COG5: variants seen among roughly 807,000 people sequenced by gnomAD.
COG5 encodes the protein conserved oligomeric Golgi complex subunit 5.
A neutral mutation model predicts 110.4 loss-of-function variants in COG5; 86 were observed. The observed-to-expected ratio is 0.78, with a 90% confidence interval of 0.65 to 0.93. The LOEUF (loss-of-function observed/expected upper bound fraction) is 0.93. Ranked by LOEUF, COG5 falls within the 40% of genes least tolerant of loss-of-function variation. The pLI is 0.00. For synonymous variants in COG5, 360 were observed against 334.6 expected (o/e 1.08, Z -0.83); for missense variants, 1,077 against 987.0 (o/e 1.09, Z -1.22).
chr7:107,379,548 A>G (rs1814926313), intron 7 of COG5, among the ~76,000 whole-genome samples: 1 of 151,218 alleles, frequency 6.6e-6, no homozygotes, highest in Non-Finnish European at 1.5e-5. Flanking sequence ...AATGACACAC[A>G]CAGGCTCAAA....
intron 7 of COG5, among the ~76,000 whole-genome samples, chr7:107,410,415 T>A (rs1792194201): frequency 6.6e-6 from 1 of 152,116 alleles, no homozygotes; most frequent in African/African-American, 2.4e-5. Flanking sequence ...ACATTTATGC[T>A]GTAGATGAGT....
intron 14 of COG5, among the ~76,000 whole-genome samples, chr7:107,267,083 A>G (rs1803861746): frequency 6.6e-6 from 1 of 152,192 alleles, no homozygotes. Context: ...AGTAAGAAAC[A>G]AAATCATGTC....
intron 14 of COG5, among the ~76,000 whole-genome samples, chr7:107,275,081 T>C (rs1308894276): frequency 6.6e-6 from 1 of 152,076 alleles, no homozygotes; most frequent in Non-Finnish European, 1.5e-5. Flanking sequence ...GTATAGCCAG[T>C]GTGTCAGGCC....
intron 19 of COG5, among the ~76,000 whole-genome samples, chr7:107,218,450 T>C (rs1294475794): frequency 6.6e-6 from 1 of 152,140 alleles, no homozygotes; most frequent in Non-Finnish European, 1.5e-5. Context: ...TTTTAAACTA[T>C]ATTACAGAGC....
intron 10 of COG5, among the ~76,000 whole-genome samples, chr7:107,359,003 G>A (rs902592583): frequency 2.0e-5 from 3 of 152,112 alleles, no homozygotes; most frequent in Non-Finnish European, 4.4e-5. Context: ...TGGCAGGGGC[G>A]ACCTCTCTGG....
Position 107,563,869 on chromosome 7 carries a change from C to T in COG5, c.28G>A (p.Val10Ile), listed in dbSNP as rs1367486642. The change falls in exon 1 of 22, where the codon GTA (valine) becomes ATA (isoleucine). Residue 10 changes from valine to isoleucine, a missense_variant. Val to Ile is a conservative substitution (Grantham distance 29, BLOSUM62 3). Coordinates refer to ENST00000297135, the MANE Select transcript of COG5 (RefSeq NM_006348.5). ...GAGCCTCGAGCTCCGAGGCCAGCTA[C>T]AGCGACGCTGCCGCCGCCACCTTCC... The part of the protein sequence containing the change: MEGGGGSVA[V>I]AGLGARGSGA... The T allele has an allele frequency of 6.2e-7, 1 of 1,613,618 alleles. No individual in the cohort carries two copies. The highest frequency in any genetic ancestry group is 2.2e-5 in the East Asian group (1 of 44,874).
At chr7:107,467,994 G>T (rs546881403) in intron 6 of COG5, among the ~76,000 whole-genome samples, 4 of 152,210 alleles carry the variant, frequency 2.6e-5, no homozygotes, top group Middle Eastern at 3.4e-3. Flanking sequence ...GTCTCACAAA[G>T]AGTTAAACAA....
chr7:107,416,558 C>T (rs1035569071), intron 6 of COG5, among the ~76,000 whole-genome samples: 1 of 152,212 alleles, frequency 6.6e-6, no homozygotes, highest in East Asian at 1.9e-4. Context: ...AGTATTATAA[C>T]TTATATATGT....
chr7:107,231,003 T>C (rs550405380), intron 18 of COG5, among the ~76,000 whole-genome samples: 2 of 152,218 alleles, frequency 1.3e-5, no homozygotes, highest in South Asian at 4.1e-4. Flanking sequence ...TTTTCAAGAC[T>C]GCATGCCTAT....
At chr7:107,256,663 G>A in intron 16 of COG5, 69 bp downstream of exon 16, 2 of 957,252 alleles carry the variant, frequency 2.1e-6, no homozygotes, top group Non-Finnish European at 3.4e-6. Flanking sequence ...ATGTGACATT[G>A]CCCACTCAGC....
chr7:107,290,153 G>A lies in COG5; in HGVS notation c.1314-6421C>T, dbSNP rs1806044203. Among the ~76,000 whole-genome samples the A allele has an allele frequency of 2.0e-5, 3 of 152,168 alleles. No homozygotes were observed. The South Asian group carries it at 6.2e-4, about 31-fold the overall frequency. ...GTTCCTGTACCCTCTTCTTTCACATGTAACATGTGGATTCAGTGAGTGCTA... is the reference window on the plus strand; with the variant it reads ...GTTCCTGTACCCTCTTCTTTCACATATAACATGTGGATTCAGTGAGTGCTA... On this transcript the variant is annotated intron_variant, in intron 12 of 21. Transcript: ENST00000297135.
rs1012126183 is a variant in COG5 at position 107,533,196 on chromosome 7, C to T, written c.418-5839G>A. Among the ~76,000 whole-genome samples the T allele has an allele frequency of 2.6e-5, 4 of 151,454 alleles. 1 individual carries two copies. The highest frequency in any genetic ancestry group is 5.9e-5 in the Non-Finnish European group (4 of 68,022). ...AGCAAAGACCAAAAGGTAGATAAAT[C>T]CACGAAGATGAGGAAAAACCAGCAC... On this transcript the variant is annotated intron_variant, in intron 5 of 21. Transcript: ENST00000297135.
At chr7:107,297,258 C>G (rs192419552) in intron 12 of COG5, among the ~76,000 whole-genome samples, 1 of 152,152 alleles carries the variant, frequency 6.6e-6, no homozygotes, top group East Asian at 1.9e-4. Flanking sequence ...TTATCATTCT[C>G]TAAGCAATAT....
At chr7:107,476,180 AT>A (rs11334850) in intron 6 of COG5, among the ~76,000 whole-genome samples, 3,319 of 89,504 alleles carry the variant, frequency 0.037, 246 homozygotes, top group African/African-American at 0.066. Context: ...TAGTGCAATG[AT>A]TTTAAAAAAA....
At position 107,399,083 on chromosome 7, in the gene COG5, C is replaced by T. The variant is rs886838230; in HGVS notation, c.669+13419G>A. 2.0e-5 allele frequency among the ~76,000 whole-genome samples: 3 copies of T among 152,076 alleles called. No homozygotes were observed. The South Asian group carries it at 6.2e-4, about 32-fold the overall frequency. ...TAGGTGTGGTGGCATGTGCCTGTAGCCCCAGCTACTCGGAAGTCTGAGGCA... is the reference window on the plus strand; with the variant it reads ...TAGGTGTGGTGGCATGTGCCTGTAGTCCCAGCTACTCGGAAGTCTGAGGCA... On this transcript the variant is annotated intron_variant, in intron 7 of 21. Transcript: ENST00000297135.
rs755067074 is a variant in COG5, at chr7:107,283,723, C to G, written c.1323G>C (p.Lys441Asn). The G allele has an allele frequency of 3.7e-6, 6 of 1,613,834 alleles. No homozygotes were observed. In the South Asian group the frequency reaches 5.5e-5, roughly 15 times the overall value. Residue 441 changes from lysine to asparagine, a missense_variant, in exon 13 of 22, where the codon AAG becomes AAC. Physicochemically the swap from Lys to Asn is moderately conservative, Grantham distance 94 (BLOSUM62 0). Coordinates refer to ENST00000297135, the MANE Select transcript of COG5 (RefSeq NM_006348.5). ...IPKKPDYDPE[K>N]ALKDSLQPYE... ...AGGGTTGTAGTGAGTCTTTCAAAGC[C>G]TTTTCTGGACTGTGGAAACAAAATT... is the stretch of plus-strand genomic sequence containing the variant.
At chr7:107,284,405 GA>G (rs1562950279) in intron 12 of COG5, among the ~76,000 whole-genome samples, 1 of 152,146 alleles carries the variant, frequency 6.6e-6, no homozygotes, top group South Asian at 2.1e-4. Context: ...GCATATGGAA[GA>G]AAGACCAGCC....
chr7:107,253,565 G>A (rs1414616604), intron 16 of COG5, among the ~76,000 whole-genome samples: 1 of 151,960 alleles, frequency 6.6e-6, no homozygotes, highest in African/African-American at 2.4e-5. Flanking sequence ...GGTTTAAATG[G>A]TACTTATATA....
At chr7:107,329,135 A>G (rs1386667089) in intron 10 of COG5, among the ~76,000 whole-genome samples, 1 of 152,140 alleles carries the variant, frequency 6.6e-6, no homozygotes, top group African/African-American at 2.4e-5. Flanking sequence ...AATATATAAC[A>G]TTTCCTGTTG....
Sources: allele counts gnomAD v4.1 joint callset (sites outside exome capture counted in the v4.1 genomes callset), GRCh38; gene constraint gnomAD v4.1.1; transcripts MANE v1.5; gene names NCBI Gene and HGNC (gene_info 2026-07-23, HGNC 2026-07-21).